Variants in ZBTB38 observed in about 807,000 individuals in gnomAD.
ZBTB38 encodes zinc finger and BTB domain-containing protein 38.
In ZBTB38, 20 loss-of-function variants were observed where a neutral mutation model predicts 76.8. That is an observed-to-expected ratio of 0.26 (90% CI 0.18 to 0.38). ZBTB38 has a LOEUF of 0.38. ZBTB38 is among the 10% of genes least tolerant of loss of function. The probability of loss-of-function intolerance (pLI) is 1.00; values close to 1 mark genes in which losing one functional copy is unlikely to be tolerated. For missense variants in ZBTB38, 1,082 were observed against 1,482.3 expected (o/e 0.73, Z 4.43); for synonymous variants, 504 against 544.2 (o/e 0.93, Z 1.03).
chr3:141,380,924 C>A (rs1324896523), intron 2 of ZBTB38, among the ~76,000 whole-genome samples: 2 of 152,212 alleles, frequency 1.3e-5, no homozygotes, highest in Non-Finnish European at 2.9e-5. Flanking sequence ...TATGCTCTCA[C>A]ATGAGGTGGA....
At chr3:141,401,800 G>A (rs1952064416) in intron 4 of ZBTB38, among the ~76,000 whole-genome samples, 1 of 152,150 alleles carries the variant, frequency 6.6e-6, no homozygotes, top group Admixed American at 6.5e-5. Context: ...AGATGCCAGC[G>A]GCCAGGGCCC....
chr3:141,363,998 A>C (rs1428942324), upstream of ZBTB38, among the ~76,000 whole-genome samples: 1 of 152,306 alleles, frequency 6.6e-6, no homozygotes, highest in East Asian at 1.9e-4. Context: ...AAAATTAAAA[A>C]CTTTTATGCT....
intron 4 of ZBTB38, among the ~76,000 whole-genome samples, chr3:141,391,160 T>TA (rs1023639721): frequency 8.6e-5 from 13 of 151,200 alleles, no homozygotes; most frequent in African/African-American, 7.3e-5. Context: ...ACTCTTTCTC[T>TA]AAAAAAAAAT....
Position 141,340,408 on chromosome 3 carries a change from T to C in ZBTB38, c.-739+15952T>C, listed in dbSNP as rs1324917904. On this transcript the variant is annotated intron_variant, in intron 1 of 7. Transcript: ENST00000509842. ...TCAATAACTAATTATTGAATGCCTA[T>C]TGTGCTAGAAACTATGGGTATAAAG... 3.9e-5 allele frequency among the ~76,000 whole-genome samples: 6 copies of C among 152,164 alleles called. No individual in the cohort carries two copies. In the East Asian group the frequency reaches 1.2e-3, roughly 29 times the overall value.
At chr3:141,385,674 G>GTA (rs199711069) in intron 3 of ZBTB38, among the ~76,000 whole-genome samples, 3,517 of 151,914 alleles carry the variant, frequency 0.023, 64 homozygotes, top group East Asian at 0.056. Flanking sequence ...GTGTGTGTGT[G>GTA]TGTGTGCGCG....
intron 5 of ZBTB38, among the ~76,000 whole-genome samples, chr3:141,409,357 T>C (rs1955842258): frequency 6.6e-6 from 1 of 152,110 alleles, no homozygotes; most frequent in Non-Finnish European, 1.5e-5. Flanking sequence ...GAGGTGAGAT[T>C]TTTACACCCT....
rs774751274 is a variant in ZBTB38 at position 141,353,561 on chromosome 3, G to A, written c.-738-15060G>A. Among the ~76,000 whole-genome samples the A allele has an allele frequency of 3.3e-5, 5 of 152,074 alleles. 1 individual carries two copies. Among genetic ancestry groups the A allele is most frequent in the Non-Finnish European group, 7.4e-5 (5 of 68,018 alleles). On this transcript the variant is annotated intron_variant, in intron 1 of 7. Transcript: ENST00000509842. ...AGAGGGAAAGGGCATTGGGAAGGGG[G>A]GAAGGGGAGAAGGGGGAAGAAGGAA... is the stretch of plus-strand genomic sequence containing the variant.
intron 5 of ZBTB38, among the ~76,000 whole-genome samples, chr3:141,440,246 T>G (rs529250671): frequency 1.3e-5 from 2 of 152,338 alleles, no homozygotes; most frequent in South Asian, 4.2e-4. Context: ...CTTCTTTGTC[T>G]TGAGAATTAA....
intron 1 of ZBTB38, among the ~76,000 whole-genome samples, chr3:141,332,188 G>A (rs1394978808): frequency 6.6e-6 from 1 of 152,104 alleles, no homozygotes; most frequent in African/African-American, 2.4e-5. Flanking sequence ...CCTCTGAAAT[G>A]AGTTGAATTT....
At chr3:141,324,866 T>C (rs898359897) in intron 1 of ZBTB38, among the ~76,000 whole-genome samples, 1 of 152,180 alleles carries the variant, frequency 6.6e-6, no homozygotes, top group Non-Finnish European at 1.5e-5. Flanking sequence ...GAAGTTACTT[T>C]GTAAAATGAA....
rs983848101 is a variant in ZBTB38, at chr3:141,447,396, GTTTT to G, written c.*1427_*1430del. The G allele has an allele frequency of 6.7e-6, 1 of 149,290 alleles. No homozygotes were observed. The allele number at this position is 149,290 out of a possible 1,614,324, so 9.2% of individuals were successfully genotyped here. A position where few individuals can be genotyped will look rare whatever the true frequency, so the allele number is the denominator to read the frequency against. On this transcript the variant is annotated 3_prime_UTR_variant, in exon 6 of 6. Coordinates refer to ENST00000321464, the MANE Select transcript of ZBTB38 (RefSeq NM_001376113.1). ...GACCCCTTGCTAAAAACCCACTGAA[GTTTT>G]TTTTTTATGTTCTTTGACCCACACC...
chr3:141,447,961 T>C lies in ZBTB38; in HGVS notation c.*1985T>C, dbSNP rs2151031281. ...AACTTTATTTTATACATTGTATATA[T>C]GTACACCCTACACTATTCATTTGGG... is the stretch of plus-strand genomic sequence containing the variant. On this transcript the variant is annotated 3_prime_UTR_variant, in exon 6 of 6. Transcript: ENST00000321464. 1.3e-5 allele frequency: 2 copies of C among 152,774 alleles called. No homozygotes were observed. Among genetic ancestry groups the C allele is most frequent in the Middle Eastern group, 3.4e-3 (1 of 294 alleles). 9.5% of individuals were successfully genotyped at this position (152,774 alleles called of 1,614,324 possible).
At chr3:141,370,944 T>C (rs1944464038) in intron 2 of ZBTB38, among the ~76,000 whole-genome samples, 1 of 152,188 alleles carries the variant, frequency 6.6e-6, no homozygotes, top group African/African-American at 2.4e-5. Flanking sequence ...TCCTACAGGA[T>C]CTGCTCCAGG....
intron 1 of ZBTB38, among the ~76,000 whole-genome samples, chr3:141,334,988 G>A (rs1237478047): frequency 6.6e-6 from 1 of 152,216 alleles, no homozygotes; most frequent in Non-Finnish European, 1.5e-5. Context: ...CACAGATTCT[G>A]GTTCAGTAGC....
intron 5 of ZBTB38, among the ~76,000 whole-genome samples, chr3:141,421,017 GA>G (rs551301024): frequency 0.13 from 17,341 of 131,358 alleles, 2,313 homozygotes; most frequent in African/African-American, 0.35. Context: ...AGAAGTTCAG[GA>G]AAAAAAAAAA....
chr3:141,339,758 A>G (rs113460846), intron 1 of ZBTB38, among the ~76,000 whole-genome samples: 252 of 152,194 alleles, frequency 1.7e-3, no homozygotes, highest in African/African-American at 4.6e-3. Flanking sequence ...CAAGAATTCT[A>G]TTTTTGACAT....
intron 1 of ZBTB38, among the ~76,000 whole-genome samples, chr3:141,352,675 G>C (rs1405170083): frequency 6.6e-6 from 1 of 152,112 alleles, no homozygotes; most frequent in African/African-American, 2.4e-5. Flanking sequence ...GTAAGCCAGA[G>C]AGTGGACGAG....
At chr3:141,441,477 A>G (rs950934517) in intron 5 of ZBTB38, among the ~76,000 whole-genome samples, 1 of 152,176 alleles carries the variant, frequency 6.6e-6, no homozygotes, top group African/African-American at 2.4e-5. Flanking sequence ...TGAAAACCCT[A>G]GTCTACTTTG....
intron 1 of ZBTB38, among the ~76,000 whole-genome samples, chr3:141,356,892 AT>A (rs1279119203): frequency 6.6e-6 from 1 of 152,250 alleles, no homozygotes; most frequent in African/African-American, 2.4e-5. Context: ...TCCTTCATTA[AT>A]CATCAAGAAT....
Sources: gnomAD v4.1 joint callset for allele counts (sites outside exome capture counted in the v4.1 genomes callset) on GRCh38, gnomAD v4.1.1 for gene constraint, MANE v1.5 for transcripts, NCBI Gene and HGNC (gene_info 2026-07-23, HGNC 2026-07-21) for gene names.